The following CSMD3 variants were observed in gnomAD, a reference collection of about 807,000 sequenced individuals.
CSMD3 encodes CUB and Sushi multiple domains 3, also known as CUB and sushi domain-containing protein 3.
CSMD3 carries 177 observed loss-of-function variants against 435.2 expected under a neutral mutation model. The observed-to-expected ratio is 0.41, with a 90% CI of 0.36 to 0.46. The LOEUF is 0.46. CSMD3 is among the 20% of genes least tolerant of loss of function. The probability of loss-of-function intolerance (pLI) is 0.34; values close to 1 mark genes in which losing one functional copy is unlikely to be tolerated. For missense variants in CSMD3, 4,265 were observed against 4,504.6 expected, an observed-to-expected ratio of 0.95 and a Z score of 1.52; for synonymous variants, 1,656 against 1,520.5, an observed-to-expected ratio of 1.09 and a Z score of -2.07.
At chr8:113,133,418 A>G (rs72685865) in intron 4 of CSMD3, among the ~76,000 whole-genome samples, 15,458 of 152,214 alleles carry the variant, frequency 0.1, 945 homozygotes, top group Middle Eastern at 0.17. Context: ...ACAACATCAA[A>G]GCAAAAAATA....
intron 5 of CSMD3, among the ~76,000 whole-genome samples, chr8:113,064,294 A>G (rs1244009256): frequency 6.6e-6 from 1 of 152,000 alleles, no homozygotes; most frequent in Non-Finnish European, 1.5e-5. Context: ...TTAAAACTGT[A>G]TTTATGAATA....
At chr8:112,519,903 G>A (rs993430350) in intron 27 of CSMD3, among the ~76,000 whole-genome samples, 10 of 152,038 alleles carry the variant, frequency 6.6e-5, no homozygotes, top group Middle Eastern at 3.2e-3. Flanking sequence ...TGAATAGAGC[G>A]TAAAACTCAA....
At chr8:113,280,344 TG>T (rs1563645895) in intron 2 of CSMD3, among the ~76,000 whole-genome samples, 1 of 151,936 alleles carries the variant, frequency 6.6e-6, no homozygotes, top group African/African-American at 2.4e-5. Context: ...TCTTCCTACT[TG>T]TTATTGGTCT....
intron 7 of CSMD3, among the ~76,000 whole-genome samples, chr8:112,957,489 G>T (rs975192570): frequency 6.6e-6 from 1 of 151,516 alleles, no homozygotes; most frequent in African/African-American, 2.4e-5. Context: ...AGTATCGCTC[G>T]GTCGCCCAGG....
Position 113,383,219 on chromosome 8 carries a change from T to C in CSMD3, c.178+53458A>G, listed in dbSNP as rs143234860. On this transcript the variant is annotated intron_variant, in intron 1 of 70. Transcript: ENST00000297405. The stretch of plus-strand genomic sequence containing the variant: ...CAAAAGAGTAGGGGAATTAGGAAAG[T>C]TGATGCATAAAAGTGGAGAGATGGG... Among the ~76,000 whole-genome samples the C allele has an allele frequency of 3.3e-5, 5 of 152,184 alleles. No individual in the cohort carries two copies. In the East Asian group the frequency reaches 5.8e-4, roughly 18 times the overall value.
At chr8:112,418,327 CAT>C (rs567573454) in intron 32 of CSMD3, among the ~76,000 whole-genome samples, 233 of 152,198 alleles carry the variant, frequency 1.5e-3, no homozygotes, top group African/African-American at 5.2e-3. Flanking sequence ...CATATGTATA[CAT>C]GTGTCGTATT....
intron 27 of CSMD3, among the ~76,000 whole-genome samples, chr8:112,523,691 A>G (rs910175310): frequency 1.3e-5 from 2 of 152,066 alleles, no homozygotes; most frequent in African/African-American, 4.8e-5. Context: ...GGTAACCTAG[A>G]GGTGGATTTC....
chr8:112,710,117 C>T (rs1409056164), intron 13 of CSMD3, among the ~76,000 whole-genome samples: 3 of 152,108 alleles, frequency 2.0e-5, no homozygotes, highest in African/African-American at 7.2e-5. Flanking sequence ...AGTTGCAGAA[C>T]TACCTCCTGC....
chr8:113,049,244 G>C (rs1024524449), intron 5 of CSMD3, among the ~76,000 whole-genome samples: 4 of 152,148 alleles, frequency 2.6e-5, no homozygotes, highest in Non-Finnish European at 4.4e-5. Context: ...GTCTCAAAAA[G>C]AGAGAGGAGA....
chr8:112,581,485 T>G (rs909762179), intron 23 of CSMD3, among the ~76,000 whole-genome samples: 1 of 152,110 alleles, frequency 6.6e-6, no homozygotes, highest in Admixed American at 6.6e-5. Context: ...TATTTAAAAG[T>G]AACTATGTTT....
chr8:112,440,538 C>T (rs1298510554), intron 32 of CSMD3, among the ~76,000 whole-genome samples: 5 of 152,254 alleles, frequency 3.3e-5, no homozygotes, highest in African/African-American at 4.8e-5. Context: ...TACTCTGTGT[C>T]GGTGCTCAGA....
At chr8:113,305,308 A>G (rs1352609363) in intron 2 of CSMD3, among the ~76,000 whole-genome samples, 1 of 152,116 alleles carries the variant, frequency 6.6e-6, no homozygotes, top group African/African-American at 2.4e-5. Context: ...TAATAATAAT[A>G]AATAAATTTT....
At chr8:113,127,523 C>G (rs1588122723) in intron 4 of CSMD3, among the ~76,000 whole-genome samples, 1 of 151,922 alleles carries the variant, frequency 6.6e-6, no homozygotes, top group East Asian at 1.9e-4. Flanking sequence ...CCCCATTCCC[C>G]AATACCTAAG....
At chr8:113,149,879 G>A (rs2091765561) in intron 4 of CSMD3, among the ~76,000 whole-genome samples, 1 of 151,826 alleles carries the variant, frequency 6.6e-6, no homozygotes, top group Non-Finnish European at 1.5e-5. Context: ...CCAAAATTTA[G>A]GATTGGGTCA....
intron 1 of CSMD3, among the ~76,000 whole-genome samples, chr8:113,390,079 T>C (rs565146097): frequency 6.6e-6 from 1 of 151,974 alleles, no homozygotes; most frequent in South Asian, 2.1e-4. Context: ...TCACACTTGC[T>C]AAAAATGTGA....
rs532673339 is a variant in CSMD3, at chr8:113,048,612, T to TATGTATATATAAAGTAAAAA, written c.918-29434_918-29433insTTTTTACTTTATATATACAT. ...TTGAATAATTACATACTTCTTAAAC[T>TATGTATATATAAAGTAAAAA]TTTATATAATATTTTATTAAACATG... On this transcript the variant is annotated intron_variant, in intron 5 of 70. Coordinates refer to ENST00000297405, the MANE Select transcript of CSMD3 (RefSeq NM_198123.2). 4.6e-3 allele frequency among the ~76,000 whole-genome samples: 700 copies of TATGTATATATAAAGTAAAAA among 152,252 alleles called. 5 individuals are homozygous for TATGTATATATAAAGTAAAAA. The highest frequency in any genetic ancestry group is 0.015 in the African/African-American group (612 of 41,554).
intron 6 of CSMD3, among the ~76,000 whole-genome samples, chr8:112,993,501 T>C (rs1587844522): frequency 6.6e-6 from 1 of 151,976 alleles, no homozygotes; most frequent in Admixed American, 6.6e-5. Flanking sequence ...GACACGCATT[T>C]CTTGACAATT....
At chr8:112,495,530 T>C (rs1821247298) in intron 30 of CSMD3, among the ~76,000 whole-genome samples, 1 of 152,252 alleles carries the variant, frequency 6.6e-6, no homozygotes, top group African/African-American at 2.4e-5. Flanking sequence ...GTTATTATTA[T>C]GTTTACATAC....
At chr8:112,925,712 C>T (rs1023093337) in intron 9 of CSMD3, among the ~76,000 whole-genome samples, 1 of 152,080 alleles carries the variant, frequency 6.6e-6, no homozygotes, top group African/African-American at 2.4e-5. Context: ...AGCCTTCTCA[C>T]CTAGATGAGA....
Sources: gnomAD v4.1 joint callset for allele counts (sites outside exome capture counted in the v4.1 genomes callset) on GRCh38, gnomAD v4.1.1 for gene constraint, MANE v1.5 for transcripts, NCBI Gene and HGNC (gene_info 2026-07-23, HGNC 2026-07-21) for gene names.